Variants in BLTP1 observed in about 807,000 individuals in gnomAD.
BLTP1 encodes fragile site-associated protein.
chr4:122,215,782 C>A, the BLTP1 span, among the ~76,000 whole-genome samples: 1 of 152,002 alleles, frequency 6.6e-6, no homozygotes, highest in South Asian at 2.1e-4. Flanking sequence ...TTTTGCTGCA[C>A]CCGTCACCTG....
chr4:122,242,479 A>T, the BLTP1 span, among the ~76,000 whole-genome samples: 43 of 152,162 alleles, frequency 2.8e-4, no homozygotes, highest in African/African-American at 9.4e-4. Context: ...GTTGGGGGGA[A>T]AAAAGTAACC....
the BLTP1 span, chr4:122,209,993 A>G: frequency 6.5e-7 from 1 of 1,544,944 alleles, no homozygotes; most frequent in East Asian, 2.4e-5. Flanking sequence ...GAAAAATAAG[A>G]AGCAAATAAA....
chr4:122,316,403 G>A, the BLTP1 span: 4 of 475,902 alleles, frequency 8.4e-6, no homozygotes, highest in Middle Eastern at 3.2e-4. Flanking sequence ...TTTGGGCAGC[G>A]ACTTGTAAAT....
the BLTP1 span, among the ~76,000 whole-genome samples, chr4:122,307,124 T>A: frequency 5.9e-5 from 9 of 152,132 alleles, no homozygotes; most frequent in Non-Finnish European, 1.3e-4. Flanking sequence ...TTTGGTATAT[T>A]TGTGTATACA....
chr4:122,183,215 G>A, the BLTP1 span: 1 of 358,890 alleles, frequency 2.8e-6, no homozygotes, highest in Non-Finnish European at 3.9e-6. Context: ...ACGTGCCTGG[G>A]GTCCCAGCTA....
chr4:122,237,668 T>C, the BLTP1 span: 1 of 740,134 alleles, frequency 1.4e-6, no homozygotes, highest in Non-Finnish European at 1.6e-6. Context: ...GTAGATATAT[T>C]TCTAAAACGT....
the BLTP1 span, among the ~76,000 whole-genome samples, chr4:122,178,673 A>G: frequency 6.6e-6 from 1 of 152,164 alleles, no homozygotes. Flanking sequence ...AACATTCCTT[A>G]TCCTGTTTTT....
chr4:122,172,064 A>T, the BLTP1 span: 548,214 of 553,812 alleles, frequency 0.99, 271,608 homozygotes, highest in East Asian at 1. Flanking sequence ...AAATAACTTT[A>T]CAAAATATTT....
chr4:122,307,616 T>C, the BLTP1 span: 1 of 985,322 alleles, frequency 1.0e-6, no homozygotes, highest in Non-Finnish European at 1.2e-6. Context: ...ACAGATGAAG[T>C]TAAGCACCAT....
chr4:122,362,367 T>A, the BLTP1 span: 2 of 763,240 alleles, frequency 2.6e-6, no homozygotes, highest in Non-Finnish European at 4.1e-6. Flanking sequence ...TGGCTATAAT[T>A]AAAAGTTTGT....
the BLTP1 span, chr4:122,334,272 C>A: frequency 7.6e-7 from 1 of 1,320,400 alleles, no homozygotes; most frequent in South Asian, 1.4e-5. Flanking sequence ...CTTTCTACCA[C>A]ATTTTTCTAT....
At chr4:122,348,247 TTTC>T in the BLTP1 span, among the ~76,000 whole-genome samples, 1 of 152,154 alleles carries the variant, frequency 6.6e-6, no homozygotes, top group African/African-American at 2.4e-5. Context: ...ACCTTATGAT[TTTC>T]TTCTTTGTTA....
the BLTP1 span, chr4:122,273,132 CAG>C: frequency 2.7e-6 from 2 of 753,806 alleles, no homozygotes; most frequent in Non-Finnish European, 3.2e-6. Context: ...AATAACCTGA[CAG>C]ATTATATTAC....
the BLTP1 span, among the ~76,000 whole-genome samples, chr4:122,179,453 C>T: frequency 2.6e-5 from 4 of 152,236 alleles, no homozygotes; most frequent in Non-Finnish European, 4.4e-5. Flanking sequence ...GATCTCCAAG[C>T]GTGGGCTGAT....
chr4:122,250,399 T>C, the BLTP1 span: 1 of 1,613,458 alleles, frequency 6.2e-7, no homozygotes, highest in Admixed American at 1.7e-5. Flanking sequence ...ATAACAGTTT[T>C]GGAATTATGG....
the BLTP1 span, among the ~76,000 whole-genome samples, chr4:122,299,454 T>C: frequency 6.6e-6 from 1 of 152,218 alleles, no homozygotes; most frequent in East Asian, 1.9e-4. Context: ...ATTCAAATGA[T>C]GAAAAGCAGA....
chr4:122,285,139 C>T, the BLTP1 span, among the ~76,000 whole-genome samples: 5,456 of 152,054 alleles, frequency 0.036, 341 homozygotes, highest in African/African-American at 0.12. Context: ...ATACAGGGGT[C>T]CACAGAAACA....
At chr4:122,247,042 T>C in the BLTP1 span, 2 of 1,335,566 alleles carry the variant, frequency 1.5e-6, no homozygotes, top group Admixed American at 2.7e-5. Flanking sequence ...TTTACTACTA[T>C]TGGTGTATAA....
the BLTP1 span, chr4:122,333,672 T>G: frequency 3.1e-6 from 5 of 1,610,888 alleles, no homozygotes; most frequent in African/African-American, 5.4e-5. Flanking sequence ...AGATTCACCT[T>G]CAAAAAAGAA....
Sources: allele counts gnomAD v4.1 joint callset (sites outside exome capture counted in the v4.1 genomes callset), GRCh38; gene constraint gnomAD v4.1.1; transcripts MANE v1.5; gene names NCBI Gene and HGNC (gene_info 2026-07-23, HGNC 2026-07-21).